MTUS1: variants seen among roughly 807,000 people sequenced by gnomAD.
MTUS1 encodes microtubule associated scaffold protein 1, also known as microtubule-associated tumor suppressor 1.
In MTUS1, 109 loss-of-function variants were observed where a neutral mutation model predicts 120.8. The observed-to-expected ratio is 0.90, with a 90% CI of 0.77 to 1.06. MTUS1 has a LOEUF of 1.06. MTUS1 is among the 50% of genes least tolerant of loss of function. MTUS1 has a pLI of 0.00. For synonymous variants in MTUS1, 737 were observed against 550.5 expected (o/e 1.34, Z -4.74); for missense variants, 2,210 against 1,486.3 (o/e 1.49, Z -8.01).
intron 6 of MTUS1, among the ~76,000 whole-genome samples, chr8:17,695,030 C>T (rs1395523557): frequency 6.6e-6 from 1 of 152,166 alleles, no homozygotes; most frequent in Non-Finnish European, 1.5e-5. Flanking sequence ...TGCACTGAGG[C>T]AACCAACACC....
intron 5 of MTUS1, 107 bp from the exon 6 acceptor site, chr8:17,713,359 T>C (rs1821707903): frequency 1.4e-6 from 1 of 732,310 alleles, no homozygotes; most frequent in Admixed American, 2.7e-5. Context: ...AATCGCTACA[T>C]TTCAGGTTCC....
intron 12 of MTUS1, among the ~76,000 whole-genome samples, chr8:17,652,519 T>A (rs1807233896): frequency 6.6e-6 from 1 of 151,984 alleles, no homozygotes; most frequent in Admixed American, 6.5e-5. Flanking sequence ...TGACTGCTAA[T>A]GGGTCCAGGG....
Position 17,712,194 on chromosome 8 carries a change from G to A in MTUS1, c.2623+1020C>T, listed in dbSNP as rs150392213. Among the ~76,000 whole-genome samples, 1,062 of 152,302 alleles carry A rather than the reference G, an allele frequency of 7.0e-3. 11 individuals carry two copies. The highest frequency in any genetic ancestry group is 0.024 in the African/African-American group (992 of 41,568). The stretch of plus-strand genomic sequence containing the variant: ...ATTTGCAAGGCTCCAGAAAATGAGC[G>A]ATGCTTGTACCTTCGTTTCTTCTGA... On this transcript the variant is annotated intron_variant, in intron 6 of 14. Transcript: ENST00000693296.
intron 2 of MTUS1, among the ~76,000 whole-genome samples, chr8:17,745,910 C>G (rs918075668): frequency 5.3e-5 from 8 of 152,136 alleles, no homozygotes; most frequent in African/African-American, 1.9e-4. Context: ...GTAACTGGAT[C>G]ATAGAAGCAG....
chr8:17,728,385 G>A (rs975623420), intron 3 of MTUS1, among the ~76,000 whole-genome samples: 6 of 152,204 alleles, frequency 3.9e-5, no homozygotes, highest in East Asian at 1.9e-4. Context: ...GATTACAGGT[G>A]TGAGCCACCG....
At chr8:17,658,461 T>C (rs564462267) in intron 8 of MTUS1, among the ~76,000 whole-genome samples, 32 of 152,278 alleles carry the variant, frequency 2.1e-4, no homozygotes, top group African/African-American at 6.3e-4. Context: ...CTAGAAAATC[T>C]TGAATTCCTT....
At chr8:17,700,982 C>G (rs1016377127) in intron 6 of MTUS1, among the ~76,000 whole-genome samples, 1 of 152,000 alleles carries the variant, frequency 6.6e-6, no homozygotes, top group African/African-American at 2.4e-5. Flanking sequence ...TGTCATGATT[C>G]TAGACAAGAA....
At chr8:17,694,311 G>C (rs566943127) in intron 6 of MTUS1, among the ~76,000 whole-genome samples, 46 of 152,310 alleles carry the variant, frequency 3.0e-4, no homozygotes, top group African/African-American at 1.1e-3. Flanking sequence ...GATTTCAAAT[G>C]ATGGAGTCTT....
intron 8 of MTUS1, among the ~76,000 whole-genome samples, chr8:17,656,565 C>A (rs894768881): frequency 1.5e-5 from 2 of 130,138 alleles, no homozygotes; most frequent in African/African-American, 5.5e-5. Context: ...ACCCCACATT[C>A]AAAAAACTGA....
rs375938979 is a variant in MTUS1, at chr8:17,653,285, A to T, written c.3289-4T>A. ...TCTTCAGATCATTGATTTGCTTCTA[A>T]AACACAATGAAATGTGGAACTTAAG... On this transcript the variant is annotated splice_polypyrimidine_tract_variant and splice_region_variant and intron_variant, in intron 11 of 14. Coordinates refer to ENST00000693296, the MANE Select transcript of MTUS1 (RefSeq NM_001363059.2). 8.4e-5 allele frequency: 129 copies of T among 1,539,150 alleles called. No individual in the cohort carries two copies. Among genetic ancestry groups the T allele is most frequent in the Non-Finnish European group, 1.1e-4 (125 of 1,141,816 alleles).
Position 17,755,944 on chromosome 8 carries a change from T to C in MTUS1, c.-137A>G. The C allele has an allele frequency of 7.0e-7, 1 of 1,430,912 alleles. No homozygotes were observed. The highest frequency in any genetic ancestry group is 9.1e-7 in the Non-Finnish European group (1 of 1,098,332). 88.6% of individuals were successfully genotyped at this position (1,430,912 alleles called of 1,614,324 possible). On this transcript the variant is annotated 5_prime_UTR_variant, in exon 2 of 15. Transcript: ENST00000693296. ...TTTCAGTCTAAGATGCTCTGAAGAT[T>C]AAATGATTTGTTGTTCCCTGGAAGA...
rs763583069 is a variant in MTUS1 at position 17,723,695 on chromosome 8, T to C, written c.2426A>G (p.Glu809Gly). The change falls in exon 4 of 15, where the codon GAG (glutamate) becomes GGG (glycine). Residue 809 changes from glutamate (E) to glycine (G), a missense_variant. Glu to Gly is a moderately conservative substitution (Grantham distance 98). Transcript: ENST00000693296. ...STPSIASTHS[E>G]LSTYSNNSGN... ...ACAATTGTTGCTGTAAGTGCTCAGC[T>C]CACTGTGGGTGCTGGCTATTGAGGG... 2 of 1,610,760 alleles carry C rather than the reference T, an allele frequency of 1.2e-6. No homozygotes were observed. Among genetic ancestry groups the C allele is most frequent in the East Asian group, 4.5e-5 (2 of 44,880 alleles).
At chr8:17,654,419 G>A (rs776539358) in intron 10 of MTUS1, 142 bp downstream of exon 10, 62 of 626,968 alleles carry the variant, frequency 9.9e-5, no homozygotes, top group Middle Eastern at 4.2e-4. Context: ...AATAAACCAC[G>A]CAAAAAGGAA....
At chr8:17,660,870 T>C (rs1468513913) in intron 8 of MTUS1, among the ~76,000 whole-genome samples, 1 of 152,194 alleles carries the variant, frequency 6.6e-6, no homozygotes. Flanking sequence ...CGGTGAGCCT[T>C]GGTGATTAAG....
At chr8:17,656,906 A>C (rs1182663102) in intron 8 of MTUS1, among the ~76,000 whole-genome samples, 2 of 151,284 alleles carry the variant, frequency 1.3e-5, no homozygotes, top group Non-Finnish European at 2.9e-5. Context: ...AAAAATACAA[A>C]AAATTAGCCG....
chr8:17,697,830 T>C (rs1026209048), intron 6 of MTUS1: 28 of 596,234 alleles, frequency 4.7e-5, no homozygotes, highest in Non-Finnish European at 5.5e-5. Flanking sequence ...GCCTAATGTT[T>C]CTTTCATAAT....
chr8:17,692,185 T>C (rs927574212), intron 6 of MTUS1: 2 of 152,216 alleles, frequency 1.3e-5, no homozygotes, highest in Non-Finnish European at 2.9e-5. Context: ...AGAGCTCTTA[T>C]AACATTTTAT....
At chr8:17,695,569 T>A (rs1281655363) in intron 6 of MTUS1, among the ~76,000 whole-genome samples, 1 of 152,252 alleles carries the variant, frequency 6.6e-6, no homozygotes, top group African/African-American at 2.4e-5. Context: ...AGAAGCCTTG[T>A]GTCGTTTGCT....
intron 4 of MTUS1, chr8:17,722,125 A>G: frequency 7.9e-7 from 1 of 1,258,120 alleles, no homozygotes; most frequent in Non-Finnish European, 1.0e-6. Context: ...GCCACTAGAC[A>G]GGCTCTGTGG....
Sources: allele counts gnomAD v4.1 joint callset (sites outside exome capture counted in the v4.1 genomes callset), GRCh38; gene constraint gnomAD v4.1.1; transcripts MANE v1.5; gene names NCBI Gene and HGNC (gene_info 2026-07-23, HGNC 2026-07-21).